AGBL4: variants seen among roughly 807,000 people sequenced by gnomAD.
AGBL4 encodes the protein cytosolic carboxypeptidase 6.
A neutral mutation model predicts 66.4 loss-of-function variants in AGBL4; 58 were observed. The observed-to-expected ratio is 0.87, with a 90% CI of 0.71 to 1.09. The LOEUF is 1.09. Among genes scored for constraint, AGBL4 ranks in the 50% least tolerant of loss-of-function variants. The pLI, the probability that AGBL4 is intolerant of heterozygous loss-of-function variation, is 0.00. For missense variants in AGBL4, 579 were observed against 631.0 expected, an observed-to-expected ratio of 0.92 and a Z score of 0.88; for synonymous variants, 234 against 222.9, an observed-to-expected ratio of 1.05 and a Z score of -0.44.
Position 49,279,416 on chromosome 1 carries a change from T to C in AGBL4, c.283-33552A>G, listed in dbSNP as rs373849305. On this transcript the variant is annotated intron_variant, in intron 3 of 13. Coordinates refer to ENST00000371839, the MANE Select transcript of AGBL4 (RefSeq NM_032785.4). ...AATCAATTAGAAAAAGGTTGACTTGTACTAAAAAGCAGTGTTTGCTTTATT... is the reference window on the plus strand; with the variant it reads ...AATCAATTAGAAAAAGGTTGACTTGCACTAAAAAGCAGTGTTTGCTTTATT... Among the ~76,000 whole-genome samples the C allele has an allele frequency of 5.9e-5, 9 of 152,308 alleles. 1 individual carries two copies. Among genetic ancestry groups the C allele is most frequent in the African/African-American group, 2.2e-4 (9 of 41,562 alleles).
rs376826592 is a variant in AGBL4 at position 49,747,020 on chromosome 1, A to G, written c.158-49583T>C. On this transcript the variant is annotated intron_variant, in intron 2 of 13. Transcript: ENST00000371839. The stretch of plus-strand genomic sequence containing the variant: ...TAAAGTGAAAAAATACTCTGCTCAC[A>G]TATCTCACAAATGTAGAAAACAGGT... Among the ~76,000 whole-genome samples, 52 of 152,320 alleles carry G rather than the reference A, an allele frequency of 3.4e-4. 1 individual carries two copies. In the South Asian group the frequency reaches 9.5e-3, roughly 28 times the overall value.
At chr1:49,726,475 G>A (rs1649039935) in intron 2 of AGBL4, among the ~76,000 whole-genome samples, 2 of 152,258 alleles carry the variant, frequency 1.3e-5, no homozygotes, top group South Asian at 4.1e-4. Context: ...TGAGTTTAAG[G>A]AATGGCAGAG....
Position 49,122,915 on chromosome 1 carries a change from G to A in AGBL4, c.378-77115C>T, listed in dbSNP as rs182220806. On this transcript the variant is annotated intron_variant, in intron 4 of 13. Coordinates refer to ENST00000371839, the MANE Select transcript of AGBL4 (RefSeq NM_032785.4). Reference sequence around the variant, plus strand: ...GTCACCCAGGGTGGAGTGCAGTGGTGCGATCTCGGCTCACTGCAACCTCCG... The same window carrying A: ...GTCACCCAGGGTGGAGTGCAGTGGTACGATCTCGGCTCACTGCAACCTCCG... Among the ~76,000 whole-genome samples the A allele has an allele frequency of 3.7e-3, 564 of 152,196 alleles. 3 individuals are homozygous for A. The highest frequency in any genetic ancestry group is 0.013 in the African/African-American group (526 of 41,512).
intron 9 of AGBL4, among the ~76,000 whole-genome samples, chr1:48,606,956 G>A (rs892229840): frequency 6.6e-6 from 1 of 152,162 alleles, no homozygotes; most frequent in Non-Finnish European, 1.5e-5. Context: ...AACTGTCTGT[G>A]TGACTTTAAA....
rs1357063262 is a variant in AGBL4, at chr1:49,795,483, G to A, written c.157+55913C>T. ...TTCTGGAAAGGGAGGAAAAATCACT[G>A]GTGTCCTGTGTATTCCTGAGACACA... On this transcript the variant is annotated intron_variant, in intron 2 of 13. Coordinates refer to ENST00000371839, the MANE Select transcript of AGBL4 (RefSeq NM_032785.4). Among the ~76,000 whole-genome samples, 3 of 151,882 alleles carry A rather than the reference G, an allele frequency of 2.0e-5. 1 individual carries two copies. Among genetic ancestry groups the A allele is most frequent in the Admixed American group, 2.0e-4 (3 of 15,238 alleles).
At chr1:49,916,679 A>G (rs913257800) in intron 1 of AGBL4, among the ~76,000 whole-genome samples, 1 of 152,206 alleles carries the variant, frequency 6.6e-6, no homozygotes, top group Non-Finnish European at 1.5e-5. Flanking sequence ...TATCCAGGAG[A>G]ACTTCCCCAA....
chr1:49,582,902 A>G (rs1186011638), intron 3 of AGBL4, among the ~76,000 whole-genome samples: 1 of 152,200 alleles, frequency 6.6e-6, no homozygotes. Flanking sequence ...TTGCATGCCT[A>G]TCAATACCCA....
chr1:49,697,535 T>A, intron 2 of AGBL4, 98 bp from the exon 3 acceptor site: 2 of 1,014,330 alleles, frequency 2.0e-6, no homozygotes, highest in Non-Finnish European at 2.8e-6. Context: ...GTGGCATTTG[T>A]CAACATTCAG....
intron 5 of AGBL4, among the ~76,000 whole-genome samples, chr1:48,869,770 G>A (rs1301430911): frequency 6.6e-6 from 1 of 152,198 alleles, no homozygotes; most frequent in Non-Finnish European, 1.5e-5. Context: ...CACACTGGGG[G>A]CTCAAAGGAC....
chr1:48,536,448 A>G (rs1182731721), intron 12 of AGBL4, among the ~76,000 whole-genome samples: 4 of 152,202 alleles, frequency 2.6e-5, no homozygotes, highest in African/African-American at 9.7e-5. Context: ...TTTTTGAGAG[A>G]AGGCATAATC....
chr1:48,707,814 CA>C (rs1646904038), intron 6 of AGBL4, among the ~76,000 whole-genome samples: 1 of 152,172 alleles, frequency 6.6e-6, no homozygotes, highest in South Asian at 2.1e-4. Context: ...AGCTGTCTAT[CA>C]GGTTCTCACA....
chr1:49,926,472 T>G (rs886942774), intron 1 of AGBL4, among the ~76,000 whole-genome samples: 1 of 152,136 alleles, frequency 6.6e-6, no homozygotes, highest in African/African-American at 2.4e-5. Flanking sequence ...TATGTAACTC[T>G]TCAATGCCCA....
At chr1:49,791,150 C>A (rs548815910) in intron 2 of AGBL4, among the ~76,000 whole-genome samples, 2 of 152,036 alleles carry the variant, frequency 1.3e-5, no homozygotes, top group African/African-American at 4.8e-5. Context: ...ATAATATTGG[C>A]TCTAGACTTT....
intron 3 of AGBL4, among the ~76,000 whole-genome samples, chr1:49,604,467 T>TGC (rs1645026958): frequency 6.6e-6 from 1 of 152,240 alleles, no homozygotes; most frequent in African/African-American, 2.4e-5. Context: ...AGATACTGGA[T>TGC]ATTAGTCTTT....
intron 1 of AGBL4, among the ~76,000 whole-genome samples, chr1:49,882,383 T>C (rs1318935948): frequency 6.6e-6 from 1 of 151,246 alleles, no homozygotes; most frequent in Non-Finnish European, 1.5e-5. Flanking sequence ...TCTTTTTTGG[T>C]GCCATATGAA....
chr1:48,567,741 G>A lies in AGBL4; in HGVS notation c.1267+19263C>T, dbSNP rs148389551. ...GGAGGATAGTGGGTAGGAGCAGATG[G>A]CACGTCTTTGGCTGAGCAGGGAGGG... On this transcript the variant is annotated intron_variant, in intron 11 of 13. Coordinates refer to ENST00000371839, the MANE Select transcript of AGBL4 (RefSeq NM_032785.4). 1.6e-4 allele frequency among the ~76,000 whole-genome samples: 25 copies of A among 152,308 alleles called. No homozygotes were observed. In the East Asian group the frequency reaches 4.6e-3, roughly 28 times the overall value.
intron 3 of AGBL4, among the ~76,000 whole-genome samples, chr1:49,452,492 A>C (rs1646298868): frequency 6.6e-6 from 1 of 151,806 alleles, no homozygotes; most frequent in African/African-American, 2.4e-5. Context: ...TCCTTCTCCC[A>C]CACCCACCTG....
chr1:48,822,514 C>A (rs1488753748), intron 6 of AGBL4, among the ~76,000 whole-genome samples: 1 of 152,220 alleles, frequency 6.6e-6, no homozygotes, highest in Admixed American at 6.5e-5. Flanking sequence ...CATTGAATTG[C>A]CTTTGCATCT....
chr1:48,973,031 C>T lies in AGBL4; in HGVS notation c.594+72553G>A, dbSNP rs183775623. On this transcript the variant is annotated intron_variant, in intron 5 of 13. Coordinates refer to ENST00000371839, the MANE Select transcript of AGBL4 (RefSeq NM_032785.4). Reference sequence around the variant, plus strand: ...TGAGCACCTAATTCTATCTCTAGTCCGTAGTGTGTAGTGTGTGCAAGTGTG... The same window carrying T: ...TGAGCACCTAATTCTATCTCTAGTCTGTAGTGTGTAGTGTGTGCAAGTGTG... Among the ~76,000 whole-genome samples the T allele has an allele frequency of 1.8e-3, 281 of 152,032 alleles. 2 individuals carry two copies. Among genetic ancestry groups the T allele is most frequent in the African/African-American group, 6.4e-3 (266 of 41,524 alleles).
Sources: allele counts gnomAD v4.1 joint callset (sites outside exome capture counted in the v4.1 genomes callset), GRCh38; gene constraint gnomAD v4.1.1; transcripts MANE v1.5; gene names NCBI Gene and HGNC (gene_info 2026-07-23, HGNC 2026-07-21).